ELMO1: variants seen among roughly 807,000 people sequenced by gnomAD.
ELMO1 encodes engulfment and cell motility protein 1.
A neutral mutation model predicts 98.9 loss-of-function variants in ELMO1; 26 were observed. The ratio of observed to expected loss-of-function variants is 0.26; its 90% CI spans 0.19 to 0.36. The LOEUF is 0.36. Ranked by LOEUF, ELMO1 falls within the 10% of genes least tolerant of loss-of-function variation. The pLI is 1.00. For missense variants in ELMO1, 627 were observed against 935.2 expected (o/e 0.67, Z 4.30); for synonymous variants, 346 against 346.0 (o/e 1.00, Z 0.00).
intron 1 of ELMO1, among the ~76,000 whole-genome samples, chr7:37,385,216 G>A (rs1027378960): frequency 1.3e-5 from 2 of 152,174 alleles, no homozygotes; most frequent in South Asian, 2.1e-4. Context: ...AGGTCATGTG[G>A]CTGCCCTACT....
At chr7:37,314,944 T>G (rs1335676734) in intron 3 of ELMO1, 22 bp from the exon 4 acceptor site, 2 of 1,594,638 alleles carry the variant, frequency 1.3e-6, no homozygotes, top group South Asian at 2.3e-5. Context: ...AAGCGTATAC[T>G]GATTAGAAAA....
intron 13 of ELMO1, among the ~76,000 whole-genome samples, chr7:37,162,680 A>G (rs1292328347): frequency 6.6e-6 from 1 of 152,244 alleles, no homozygotes; most frequent in Admixed American, 6.5e-5. Flanking sequence ...ATATATGTCA[A>G]GATTTACTCA....
At chr7:37,387,535 C>A (rs1269428774) in intron 1 of ELMO1, among the ~76,000 whole-genome samples, 2 of 152,134 alleles carry the variant, frequency 1.3e-5, no homozygotes, top group Non-Finnish European at 2.9e-5. Context: ...CATCTAAAAC[C>A]ATCCTATTTC....
At chr7:37,313,920 G>A (rs1275421974) in intron 4 of ELMO1, among the ~76,000 whole-genome samples, 2 of 152,168 alleles carry the variant, frequency 1.3e-5, no homozygotes, top group African/African-American at 4.8e-5. Flanking sequence ...TATAATGACA[G>A]CTGTTACCAG....
chr7:37,164,019 T>C (rs1019736663), intron 13 of ELMO1, among the ~76,000 whole-genome samples: 2 of 152,262 alleles, frequency 1.3e-5, no homozygotes, highest in Non-Finnish European at 2.9e-5. Flanking sequence ...GACTTTTTAA[T>C]GATTGCCATT....
At chr7:36,886,177 C>T (rs1584310300) in intron 18 of ELMO1, among the ~76,000 whole-genome samples, 1 of 152,324 alleles carries the variant, frequency 6.6e-6, no homozygotes, top group East Asian at 1.9e-4. Context: ...TTCCCTCTTC[C>T]ACTGGTCTCA....
chr7:36,934,675 C>T (rs1786355585), intron 16 of ELMO1, among the ~76,000 whole-genome samples: 1 of 152,162 alleles, frequency 6.6e-6, no homozygotes, highest in Non-Finnish European at 1.5e-5. Context: ...TAGTTTTTTT[C>T]TCCTTGACAA....
chr7:37,391,047 CCTTCCTTCCTT>C (rs1803052914), intron 1 of ELMO1, among the ~76,000 whole-genome samples: 1 of 149,746 alleles, frequency 6.7e-6, no homozygotes, highest in Admixed American at 7.1e-5. Context: ...TTCCTTCCTT[CCTTCCTTCCTT>C]CCTCCCTCCC....
At chr7:36,912,840 T>A (rs1784431983) in intron 16 of ELMO1, among the ~76,000 whole-genome samples, 1 of 152,176 alleles carries the variant, frequency 6.6e-6, no homozygotes, top group South Asian at 2.1e-4. Context: ...TTAGATAACA[T>A]AAGTGAAAGT....
At chr7:37,117,681 T>G (rs891194244) in intron 14 of ELMO1, among the ~76,000 whole-genome samples, 7 of 152,158 alleles carry the variant, frequency 4.6e-5, no homozygotes, top group African/African-American at 1.7e-4. Flanking sequence ...TTTTAAAACA[T>G]GAAAAAATCC....
At chr7:36,928,142 T>C (rs1429218372) in intron 16 of ELMO1, among the ~76,000 whole-genome samples, 1 of 152,216 alleles carries the variant, frequency 6.6e-6, no homozygotes, top group Non-Finnish European at 1.5e-5. Flanking sequence ...ACCAAGAAGA[T>C]AAACTCCTTT....
intron 2 of ELMO1, among the ~76,000 whole-genome samples, chr7:37,331,917 C>T (rs1800147785): frequency 2.6e-3 from 2 of 778 alleles, no homozygotes; most frequent in South Asian, 0.033. Context: ...CAACAAGGAC[C>T]GTTTGAATAT....
chr7:36,953,830 G>A (rs1788202065), intron 16 of ELMO1, among the ~76,000 whole-genome samples: 1 of 148,240 alleles, frequency 6.7e-6, no homozygotes, highest in Non-Finnish European at 1.5e-5. Context: ...TACAGTGTAT[G>A]GGTATGTTTT....
intron 17 of ELMO1, among the ~76,000 whole-genome samples, chr7:36,891,839 T>C (rs1805581017): frequency 6.6e-6 from 1 of 152,196 alleles, no homozygotes; most frequent in Non-Finnish European, 1.5e-5. Context: ...GTTTTACACA[T>C]TTTGCTTCCC....
chr7:37,023,735 C>A (rs903438521), intron 15 of ELMO1, among the ~76,000 whole-genome samples: 1 of 152,094 alleles, frequency 6.6e-6, no homozygotes. Flanking sequence ...TGCGTGCCAC[C>A]AAGCCTGGCT....
chr7:37,200,962 C>A (rs566976564), intron 13 of ELMO1, among the ~76,000 whole-genome samples: 52 of 149,802 alleles, frequency 3.5e-4, no homozygotes, highest in Non-Finnish European at 6.5e-4. Context: ...AAAAAAAATA[C>A]AAATAAAAAT....
chr7:37,079,700 A>G (rs557642416), intron 15 of ELMO1, among the ~76,000 whole-genome samples: 2 of 152,278 alleles, frequency 1.3e-5, no homozygotes, highest in African/African-American at 4.8e-5. Context: ...AGCATATGAC[A>G]CTGCAATCTC....
intron 15 of ELMO1, among the ~76,000 whole-genome samples, chr7:37,018,865 T>C (rs1794109096): frequency 6.6e-6 from 1 of 152,188 alleles, no homozygotes; most frequent in Non-Finnish European, 1.5e-5. Flanking sequence ...CAGCACATTA[T>C]ATAGCCTCTT....
intron 1 of ELMO1, among the ~76,000 whole-genome samples, chr7:37,354,760 T>C (rs1414592950): frequency 6.6e-6 from 1 of 152,116 alleles, no homozygotes; most frequent in Non-Finnish European, 1.5e-5. Flanking sequence ...TCGAGCCCAG[T>C]TCCCTATCGC....
Sources: gnomAD v4.1 joint callset for allele counts (sites outside exome capture counted in the v4.1 genomes callset) on GRCh38, gnomAD v4.1.1 for gene constraint, MANE v1.5 for transcripts, NCBI Gene and HGNC (gene_info 2026-07-23, HGNC 2026-07-21) for gene names.